SCGN: variants seen among roughly 807,000 people sequenced by gnomAD.
SCGN encodes secretagogin, EF-hand calcium binding protein.
A neutral mutation model predicts 39.7 loss-of-function variants in SCGN; 30 were observed. The observed-to-expected ratio is 0.76, with a 90% confidence interval of 0.57 to 1.03. The LOEUF (loss-of-function observed/expected upper bound fraction) is 1.03. SCGN is among the 50% of genes least tolerant of loss of function. SCGN has a pLI of 0.00. For synonymous variants in SCGN, 106 were observed against 114.1 expected (o/e 0.93, Z 0.45); for missense variants, 353 against 349.4 (o/e 1.01, Z -0.08).
intron 4 of SCGN, among the ~76,000 whole-genome samples, chr6:25,665,766 T>G (rs1383276811): frequency 3.3e-5 from 5 of 152,200 alleles, no homozygotes; most frequent in African/African-American, 1.2e-4. Flanking sequence ...GCATAGGCAA[T>G]TCACAGAAGA....
At chr6:25,690,914 G>C in intron 9 of SCGN, 142 bp from the exon 10 acceptor site, 1 of 602,600 alleles carries the variant, frequency 1.7e-6, no homozygotes, top group Admixed American at 3.1e-5. Context: ...GTCCTGCATG[G>C]AGAACATAAA....
intron 6 of SCGN, among the ~76,000 whole-genome samples, chr6:25,670,620 G>A (rs1021471706): frequency 2.6e-5 from 4 of 152,188 alleles, no homozygotes; most frequent in Non-Finnish European, 4.4e-5. Context: ...ATTCCTGTGA[G>A]GGAAAATGTG....
intron 10 of SCGN, among the ~76,000 whole-genome samples, chr6:25,694,144 T>C (rs1759809869): frequency 6.6e-6 from 1 of 152,220 alleles, no homozygotes; most frequent in African/African-American, 2.4e-5. Context: ...GCTATTTCCA[T>C]ATGATTTTTG....
chr6:25,673,814 G>T (rs1344240149), intron 6 of SCGN, among the ~76,000 whole-genome samples: 1 of 152,172 alleles, frequency 6.6e-6, no homozygotes, highest in Non-Finnish European at 1.5e-5. Flanking sequence ...CTGTGACTGG[G>T]TTTATAATTT....
intron 7 of SCGN, among the ~76,000 whole-genome samples, chr6:25,684,374 A>G (rs1331346186): frequency 6.6e-6 from 1 of 152,210 alleles, no homozygotes; most frequent in Non-Finnish European, 1.5e-5. Context: ...CCAGATACCC[A>G]AATCCTCGGA....
intron 10 of SCGN, among the ~76,000 whole-genome samples, chr6:25,699,187 T>C (rs1232587574): frequency 6.6e-6 from 1 of 152,234 alleles, no homozygotes; most frequent in Non-Finnish European, 1.5e-5. Context: ...GAAATTTGAC[T>C]AAATTTGTTT....
chr6:25,680,523 A>T (rs1759625292), intron 6 of SCGN, among the ~76,000 whole-genome samples: 1 of 151,130 alleles, frequency 6.6e-6, no homozygotes, highest in African/African-American at 2.5e-5. Context: ...TTTCGAGCAC[A>T]GGATTGTTTT....
At chr6:25,665,097 T>C in intron 4 of SCGN, 65 bp downstream of exon 4, 1 of 1,229,012 alleles carries the variant, frequency 8.1e-7, no homozygotes, top group Non-Finnish European at 1.2e-6. Flanking sequence ...CTTAGCCACC[T>C]GCTGTGGCTG....
At chr6:25,663,093 G>T (rs1760365818) in intron 3 of SCGN, among the ~76,000 whole-genome samples, 1 of 152,244 alleles carries the variant, frequency 6.6e-6, no homozygotes, top group Non-Finnish European at 1.5e-5. Flanking sequence ...TACAAAAACT[G>T]ATGGTGCAAG....
chr6:25,687,489 T>C (rs1280611452), intron 7 of SCGN, among the ~76,000 whole-genome samples: 1 of 152,176 alleles, frequency 6.6e-6, no homozygotes, highest in Non-Finnish European at 1.5e-5. Flanking sequence ...CTGCCCATTG[T>C]TAATGTATAG....
intron 6 of SCGN, among the ~76,000 whole-genome samples, chr6:25,675,637 A>T (rs1759554969): frequency 6.6e-6 from 1 of 152,232 alleles, no homozygotes; most frequent in Non-Finnish European, 1.5e-5. Flanking sequence ...AATGGCAGAC[A>T]AAGAGGATGA....
At chr6:25,668,732 C>G (rs1759434239) in intron 4 of SCGN, among the ~76,000 whole-genome samples, 3 of 150,800 alleles carry the variant, frequency 2.0e-5, no homozygotes, top group Admixed American at 2.0e-4. Flanking sequence ...GGTTTCAGTC[C>G]TACATTACCA....
Position 25,670,041 on chromosome 6 carries a change from T to G in SCGN, c.436T>G (p.Ser146Ala), listed in dbSNP as rs747959125. ...CTTTCTTCACCACAAAAAGGCCATT[T>G]CTGAGGCTAAACTGGAAGAATACAC... ...DLFLHHKKAI[S>A]EAKLEEYTGT... Residue 146 changes from serine (S) to alanine (A), a missense_variant, in exon 6 of 11, where the codon TCT (serine) becomes GCT (alanine). Physicochemically the swap from Ser to Ala is moderately conservative, Grantham distance 99 (BLOSUM62 1). Coordinates refer to ENST00000377961, the MANE Select transcript of SCGN (RefSeq NM_006998.4). The G allele has an allele frequency of 1.2e-6, 2 of 1,613,852 alleles. No homozygotes were observed. The highest frequency in any genetic ancestry group is 1.1e-5 in the South Asian group (1 of 91,060).
At chr6:25,683,923 C>T (rs1229643027) in intron 7 of SCGN, among the ~76,000 whole-genome samples, 1 of 152,128 alleles carries the variant, frequency 6.6e-6, no homozygotes, top group Non-Finnish European at 1.5e-5. Flanking sequence ...CAGTTCCAAG[C>T]ACAAATAATT....
chr6:25,664,351 A>G (rs887246998), intron 3 of SCGN, among the ~76,000 whole-genome samples: 7 of 152,218 alleles, frequency 4.6e-5, no homozygotes, highest in African/African-American at 1.4e-4. Context: ...ACAGTGATTA[A>G]AAGTGTGGGC....
At position 25,666,285 on chromosome 6, in the gene SCGN, G is replaced by A. The variant is rs370280839; in HGVS notation, c.336+1253G>A. 1.2e-3 allele frequency among the ~76,000 whole-genome samples: 177 copies of A among 152,098 alleles called. No homozygotes were observed. In the South Asian group the frequency reaches 0.012, roughly 10 times the overall value. On this transcript the variant is annotated intron_variant, in intron 4 of 10. Transcript: ENST00000377961. ...GGTGGAGAATCACTTGAACCCAGGA[G>A]GCGGAGTTGTAGTGAGCATAGATCG... is the stretch of plus-strand genomic sequence containing the variant.
intron 7 of SCGN, among the ~76,000 whole-genome samples, chr6:25,687,066 T>C (rs1339940561): frequency 1.3e-5 from 2 of 152,196 alleles, no homozygotes; most frequent in African/African-American, 4.8e-5. Context: ...CTTATGCCAA[T>C]ATCACACTAT....
At chr6:25,657,418 A>C (rs1321745678) in intron 2 of SCGN, among the ~76,000 whole-genome samples, 1 of 152,158 alleles carries the variant, frequency 6.6e-6, no homozygotes, top group African/African-American at 2.4e-5. Flanking sequence ...TATTAGAATA[A>C]TGTTTTGGCC....
In SCGN at chr6:25,661,531, GCT is replaced by G. The variant is rs1561760932; in HGVS notation, c.154-18_154-17del. ...TTGAGATTCCAGTGGCTTTAATGTG[GCT>G]CTGTTTGGTCAATTGCAGGACACGG... On this transcript the variant is annotated intron_variant, in intron 2 of 10. Transcript: ENST00000377961. The G allele has an allele frequency of 6.4e-7, 1 of 1,571,244 alleles. No homozygotes were observed. The highest frequency in any genetic ancestry group is 1.7e-5 in the Admixed American group (1 of 59,710).
Sources: gnomAD v4.1 joint callset for allele counts (sites outside exome capture counted in the v4.1 genomes callset) on GRCh38, gnomAD v4.1.1 for gene constraint, MANE v1.5 for transcripts, NCBI Gene and HGNC (gene_info 2026-07-23, HGNC 2026-07-21) for gene names.